Variants in ARAP2 observed in about 807,000 individuals in gnomAD.
ARAP2 encodes ArfGAP with RhoGAP domain, ankyrin repeat and PH domain 2.
A neutral mutation model predicts 194.5 loss-of-function variants in ARAP2; 148 were observed. The ratio of observed to expected loss-of-function variants is 0.76; its 90% CI spans 0.67 to 0.87. The LOEUF (loss-of-function observed/expected upper bound fraction) is 0.87. Among genes scored for constraint, ARAP2 ranks in the 40% least tolerant of loss-of-function variants. ARAP2 has a pLI of 0.00. For missense variants in ARAP2, 2,128 were observed against 1,989.7 expected (o/e 1.07, Z -1.32); for synonymous variants, 695 against 683.5 (o/e 1.02, Z -0.26).
chr4:36,130,806 G>C (rs2109599726), intron 20 of ARAP2, among the ~76,000 whole-genome samples: 1 of 151,994 alleles, frequency 6.6e-6, no homozygotes, highest in East Asian at 1.9e-4. Flanking sequence ...ACTGCTTAAT[G>C]CAAGAATAAG....
At chr4:36,174,380 T>C (rs1230510952) in intron 9 of ARAP2, among the ~76,000 whole-genome samples, 1 of 152,202 alleles carries the variant, frequency 6.6e-6, no homozygotes, top group Non-Finnish European at 1.5e-5. Flanking sequence ...ACATTTAATT[T>C]ATGTGATATT....
chr4:36,008,167 AT>A (rs1279160389), intron 9 of ARAP2, among the ~76,000 whole-genome samples: 1 of 152,046 alleles, frequency 6.6e-6, no homozygotes, highest in Non-Finnish European at 1.5e-5. Flanking sequence ...TACTAATGTC[AT>A]TTTTTCACAA....
rs184158448 is a variant in ARAP2, at chr4:36,237,980, C to A, written c.-160+6199G>T. Reference sequence around the variant, plus strand: ...CCATCCCACAGTATAGAGCAGACTGCAAAAGGATGAAGGTCAGGCCTGCTA... The same window carrying A: ...CCATCCCACAGTATAGAGCAGACTGAAAAAGGATGAAGGTCAGGCCTGCTA... On this transcript the variant is annotated intron_variant, in intron 1 of 32. Coordinates refer to ENST00000303965, the MANE Select transcript of ARAP2 (RefSeq NM_015230.4). Among the ~76,000 whole-genome samples, 99 of 152,278 alleles carry A rather than the reference C, an allele frequency of 6.5e-4. 1 individual carries two copies. The highest frequency in any genetic ancestry group is 1.2e-3 in the Non-Finnish European group (83 of 68,010).
At position 36,128,629 on chromosome 4, in the gene ARAP2, G is replaced by C; in HGVS notation, c.3544C>G (p.Leu1182Val). ...SFKLRAGKHQ[L>V]EDVTAVLKSF... ...TTCAACACAGCCGTCACATCTTCAA[G>C]CTGATGTTTTCCAGCCCTCAATTTA... is the stretch of plus-strand genomic sequence containing the variant. Residue 1182 changes from leucine to valine, a missense_variant, in exon 21 of 33, where the codon CTT becomes GTT. Physicochemically the swap from Leu to Val is conservative, Grantham distance 32 (BLOSUM62 1). Transcript: ENST00000303965. 6.2e-7 allele frequency: 1 copy of C among 1,612,888 alleles called. No individual in the cohort carries two copies. The highest frequency in any genetic ancestry group is 8.5e-7 in the Non-Finnish European group (1 of 1,179,480).
intron 26 of ARAP2, among the ~76,000 whole-genome samples, chr4:36,110,193 G>A (rs563562086): frequency 6.6e-6 from 1 of 151,936 alleles, no homozygotes; most frequent in African/African-American, 2.4e-5. Context: ...GTACACATAT[G>A]TAAGCCTTCC....
intron 29 of ARAP2, among the ~76,000 whole-genome samples, chr4:36,083,016 C>T (rs1729941968): frequency 6.6e-6 from 1 of 152,076 alleles, no homozygotes; most frequent in Admixed American, 6.6e-5. Flanking sequence ...GTGTTGTAGA[C>T]TTGCCTGAGA....
chr4:36,019,189 G>T (rs1716442619), exon 6 of ARAP2: 1 of 149,462 alleles, frequency 6.7e-6, no homozygotes, highest in African/African-American at 2.6e-5. Context: ...AATTATGCTT[G>T]GTTCAGTAGT....
intron 2 of ARAP2, among the ~76,000 whole-genome samples, chr4:36,217,800 A>G (rs1361287552): frequency 6.6e-6 from 1 of 151,332 alleles, no homozygotes; most frequent in East Asian, 1.9e-4. Context: ...GAAATACTAG[A>G]TATATGATAA....
At chr4:36,201,673 A>G (rs1159070824) in intron 6 of ARAP2, among the ~76,000 whole-genome samples, 1 of 152,194 alleles carries the variant, frequency 6.6e-6, no homozygotes, top group Non-Finnish European at 1.5e-5. Context: ...TGTTGTCTCA[A>G]AATGTGTTTC....
intron 15 of ARAP2, among the ~76,000 whole-genome samples, chr4:36,152,996 C>T (rs1261496848): frequency 6.6e-6 from 1 of 152,184 alleles, no homozygotes; most frequent in African/African-American, 2.4e-5. Context: ...AGGTCTTAAA[C>T]AAACAGTGCC....
intron 26 of ARAP2, among the ~76,000 whole-genome samples, chr4:36,108,435 G>T (rs1718993596): frequency 6.6e-6 from 1 of 151,762 alleles, no homozygotes; most frequent in African/African-American, 2.4e-5. Flanking sequence ...ATTATAAAAT[G>T]TAACTTCTAT....
chr4:36,143,319 A>T (rs1056034119), intron 19 of ARAP2, among the ~76,000 whole-genome samples: 4 of 151,690 alleles, frequency 2.6e-5, no homozygotes, highest in Non-Finnish European at 5.9e-5. Context: ...TTTCTAGTAA[A>T]CATTTTTATT....
At chr4:36,145,515 G>A (rs1729423712) in intron 19 of ARAP2, among the ~76,000 whole-genome samples, 1 of 151,836 alleles carries the variant, frequency 6.6e-6, no homozygotes, top group African/African-American at 2.4e-5. Flanking sequence ...AATAGACACT[G>A]AGGACTCCAA....
intron 9 of ARAP2, chr4:36,012,472 T>G (rs887155916): frequency 1.3e-5 from 2 of 152,214 alleles, no homozygotes; most frequent in Non-Finnish European, 2.9e-5. Flanking sequence ...TGGGTCTGTA[T>G]AGTTCAATGT....
rs1745393559 is a variant in ARAP2 at position 36,205,673 on chromosome 4, C to T, written c.1487+4717G>A. Among the ~76,000 whole-genome samples the T allele has an allele frequency of 2.6e-5, 4 of 151,770 alleles. No homozygotes were observed. In the South Asian group the frequency reaches 8.4e-4, roughly 32 times the overall value. ...GTGAGGCCCAAAGTTACCTACTTTT[C>T]CAAATGATTTCACAGAGATAGTCTT... On this transcript the variant is annotated intron_variant, in intron 6 of 32. Coordinates refer to ENST00000303965, the MANE Select transcript of ARAP2 (RefSeq NM_015230.4).
chr4:36,085,964 T>C (rs527556860), intron 28 of ARAP2, among the ~76,000 whole-genome samples: 1 of 152,186 alleles, frequency 6.6e-6, no homozygotes, highest in South Asian at 2.1e-4. Flanking sequence ...AAGAACATTT[T>C]AACAATTTGA....
intron 2 of ARAP2, among the ~76,000 whole-genome samples, chr4:36,054,235 T>G (rs1307582767): frequency 3.3e-5 from 5 of 152,204 alleles, no homozygotes; most frequent in Non-Finnish European, 5.9e-5. Flanking sequence ...TAAGGTTAAC[T>G]AACCTTTTTA....
intron 5 of ARAP2, among the ~76,000 whole-genome samples, chr4:36,022,435 C>A (rs1358892098): frequency 2.0e-5 from 3 of 152,096 alleles, no homozygotes; most frequent in Admixed American, 2.0e-4. Flanking sequence ...AGACTGGAAG[C>A]CAGATACTTA....
intron 1 of ARAP2, chr4:36,243,949 C>G (rs1158577078): frequency 6.6e-6 from 1 of 152,238 alleles, no homozygotes; most frequent in African/African-American, 2.4e-5. Flanking sequence ...CTCACCCTCC[C>G]GGGTCAAATC....
Sources: allele counts gnomAD v4.1 joint callset (sites outside exome capture counted in the v4.1 genomes callset), GRCh38; gene constraint gnomAD v4.1.1; transcripts MANE v1.5; gene names NCBI Gene and HGNC (gene_info 2026-07-23, HGNC 2026-07-21).